The following IL1RAPL1 variants were observed in gnomAD, a reference collection of about 807,000 sequenced individuals.
IL1RAPL1 encodes interleukin 1 receptor accessory protein like 1.
A neutral mutation model predicts 48.4 loss-of-function variants in IL1RAPL1; 3 were observed. The observed-to-expected ratio is 0.06, with a 90% CI of 0.03 to 0.16. The LOEUF (loss-of-function observed/expected upper bound fraction) is 0.16. Ranked by LOEUF, IL1RAPL1 falls within the 10% of genes least tolerant of loss-of-function variation. The pLI is 1.00. For synonymous variants in IL1RAPL1, 185 were observed against 187.7 expected (o/e 0.99, Z 0.12); for missense variants, 349 against 530.6 (o/e 0.66, Z 3.36).
chrX:29,571,832 C>T (rs779802673), intron 5 of IL1RAPL1, among the ~76,000 whole-genome samples: 6 of 111,498 alleles, frequency 5.4e-5, no homozygotes, highest in Admixed American at 1.9e-4. Flanking sequence ...TCCTCTGTAA[C>T]GCTTTTCTCA....
chrX:29,020,250 T>G, intron 2 of IL1RAPL1, among the ~76,000 whole-genome samples: 1 of 112,448 alleles, frequency 8.9e-6, no homozygotes, highest in East Asian at 2.8e-4. Context: ...CAAAAACAGG[T>G]ATGTCCATTG....
intron 2 of IL1RAPL1, among the ~76,000 whole-genome samples, chrX:29,203,164 T>C (rs1027997084): frequency 5.4e-5 from 6 of 111,438 alleles, no homozygotes; most frequent in Non-Finnish European, 1.1e-4. Flanking sequence ...GAGGGAAATT[T>C]GTCCAATGTG....
intron 5 of IL1RAPL1, among the ~76,000 whole-genome samples, chrX:29,648,568 A>C (rs1925416530): frequency 8.9e-6 from 1 of 112,377 alleles, no homozygotes; most frequent in African/African-American, 3.2e-5. Context: ...TTAAAAGGAA[A>C]ATTTAAATTT....
chrX:29,634,287 A>G (rs1318410570), intron 5 of IL1RAPL1, among the ~76,000 whole-genome samples: 1 of 111,529 alleles, frequency 9.0e-6, no homozygotes, highest in Non-Finnish European at 1.9e-5. Context: ...AAAGTCTTAG[A>G]TCAATGTCCC....
At chrX:29,260,631 C>G (rs1032779007) in intron 2 of IL1RAPL1, among the ~76,000 whole-genome samples, 1 of 111,542 alleles carries the variant, frequency 9.0e-6, no homozygotes, top group Non-Finnish European at 1.9e-5. Flanking sequence ...TCAAACCACA[C>G]CAATCACGTC....
chrX:28,793,518 C>A (rs1056672484), intron 2 of IL1RAPL1, among the ~76,000 whole-genome samples: 1 of 111,445 alleles, frequency 9.0e-6, no homozygotes, highest in African/African-American at 3.3e-5. Flanking sequence ...ACTTTGTCTG[C>A]ATGGTTGAAG....
At chrX:29,531,032 T>C (rs1362903740) in intron 5 of IL1RAPL1, among the ~76,000 whole-genome samples, 1 of 112,206 alleles carries the variant, frequency 8.9e-6, no homozygotes, top group East Asian at 2.8e-4. Flanking sequence ...GTGCTAGTTT[T>C]ATTATGTTTG....
chrX:28,699,455 A>G (rs931707570), intron 1 of IL1RAPL1, among the ~76,000 whole-genome samples: 3 of 112,627 alleles, frequency 2.7e-5, no homozygotes, highest in Admixed American at 1.9e-4. Context: ...CAGGCAAAAC[A>G]TATTTTGAAA....
intron 3 of IL1RAPL1, among the ~76,000 whole-genome samples, chrX:29,364,364 G>A (rs1199356776): frequency 9.2e-6 from 1 of 108,794 alleles, no homozygotes; most frequent in East Asian, 2.9e-4. Context: ...TTCGAGACCA[G>A]CCTGTCCAAG....
chrX:29,426,554 T>C (rs935439531), intron 5 of IL1RAPL1, among the ~76,000 whole-genome samples: 6 of 111,746 alleles, frequency 5.4e-5, no homozygotes, highest in Non-Finnish European at 7.5e-5. Context: ...CTAATACGTG[T>C]AATGTTGGGA....
chrX:29,935,199 C>T (rs1194855642), intron 8 of IL1RAPL1, among the ~76,000 whole-genome samples: 4 of 110,312 alleles, frequency 3.6e-5, no homozygotes, highest in African/African-American at 9.9e-5. Flanking sequence ...CAAGTTGTCC[C>T]GTTATTGGTG....
intron 5 of IL1RAPL1, among the ~76,000 whole-genome samples, chrX:29,498,662 A>T (rs140215458): frequency 0.072 from 8,022 of 110,969 alleles, 729 homozygotes; most frequent in African/African-American, 0.25. Context: ...TTAGGTGCAC[A>T]CAAATATTGA....
chrX:29,429,371 C>T (rs764606700), intron 5 of IL1RAPL1, among the ~76,000 whole-genome samples: 4 of 112,397 alleles, frequency 3.6e-5, no homozygotes, highest in African/African-American at 6.5e-5. Flanking sequence ...ATTGGCAACA[C>T]AATTTAGTTT....
intron 5 of IL1RAPL1, among the ~76,000 whole-genome samples, chrX:29,559,397 T>A (rs1922110115): frequency 8.9e-6 from 1 of 112,091 alleles, no homozygotes; most frequent in Admixed American, 9.5e-5. Flanking sequence ...TAACAAAAAA[T>A]TGGCATTAAT....
intron 6 of IL1RAPL1, among the ~76,000 whole-genome samples, chrX:29,904,355 ATTC>A (rs1932564403): frequency 9.6e-6 from 1 of 103,809 alleles, no homozygotes; most frequent in African/African-American, 3.6e-5. Context: ...TTTATTGCTG[ATTC>A]TTTTTTTAAT....
At chrX:29,320,048 G>A (rs934074595) in intron 3 of IL1RAPL1, among the ~76,000 whole-genome samples, 4 of 111,706 alleles carry the variant, frequency 3.6e-5, no homozygotes, top group African/African-American at 1.3e-4. Context: ...AAAGGAAGAA[G>A]TATGATTTGT....
chrX:29,141,280 C>T (rs894150373), intron 2 of IL1RAPL1, among the ~76,000 whole-genome samples: 3 of 110,406 alleles, frequency 2.7e-5, no homozygotes, highest in Non-Finnish European at 5.7e-5. Flanking sequence ...TGAATGTTAC[C>T]GCAGCCTAAG....
In IL1RAPL1 at chrX:29,803,251, A is replaced by G. The variant is rs867048136; in HGVS notation, c.779-114213A>G. On this transcript the variant is annotated intron_variant, in intron 6 of 10. Coordinates refer to ENST00000378993, the MANE Select transcript of IL1RAPL1 (RefSeq NM_014271.4). ...TACACACATGTATATATGTATACAT[A>G]TACACACATGTATATATGTATACAT... 3.4e-3 allele frequency among the ~76,000 whole-genome samples: 106 copies of G among 31,385 alleles called. 7 individuals carry two copies. Among genetic ancestry groups the G allele is most frequent in the African/African-American group, 0.014 (100 of 6,975 alleles). The allele number at this position is 31,385 out of a possible 115,157, so 27.3% of individuals were successfully genotyped here. A position where few individuals can be genotyped will look rare whatever the true frequency, so the allele number is the denominator to read the frequency against.
chrX:29,547,130 C>T lies in IL1RAPL1; in HGVS notation c.704-121300C>T, dbSNP rs1921647846. Among the ~76,000 whole-genome samples, 3 of 111,843 alleles carry T rather than the reference C, an allele frequency of 2.7e-5. No homozygotes were observed. In the Admixed American group the frequency reaches 2.9e-4, roughly 11 times the overall value. On this transcript the variant is annotated intron_variant, in intron 5 of 10. Transcript: ENST00000378993. ...AAATTGAAAATCACAGGTAATTAAT[C>T]ATATTAAATGTGAATGTAACCCATT...
Sources: allele counts gnomAD v4.1 joint callset (sites outside exome capture counted in the v4.1 genomes callset), GRCh38; gene constraint gnomAD v4.1.1; transcripts MANE v1.5; gene names NCBI Gene and HGNC (gene_info 2026-07-23, HGNC 2026-07-21).